Variants in TRHDE observed in about 807,000 individuals in gnomAD.
The protein encoded by TRHDE is thyrotropin releasing hormone degrading enzyme.
TRHDE carries 72 observed loss-of-function variants against 125.7 expected under a neutral mutation model. That is an observed-to-expected ratio of 0.57 (90% confidence interval 0.47 to 0.70). The LOEUF (loss-of-function observed/expected upper bound fraction) is 0.70. Among genes scored for constraint, TRHDE ranks in the 30% least tolerant of loss-of-function variants. The probability of loss-of-function intolerance (pLI) is 0.00; values close to 1 mark genes in which losing one functional copy is unlikely to be tolerated. For missense variants in TRHDE, 1,110 were observed against 1,327.1 expected (o/e 0.84, Z 2.54); for synonymous variants, 509 against 509.1 (o/e 1.00, Z 0.00).
intron 15 of TRHDE, among the ~76,000 whole-genome samples, chr12:72,621,969 T>A (rs1359564543): frequency 1.3e-5 from 2 of 152,186 alleles, no homozygotes; most frequent in African/African-American, 4.8e-5. Flanking sequence ...CTAACTTTAT[T>A]AATTTAGGTC....
At chr12:72,367,840 T>C (rs758047874) in intron 2 of TRHDE, among the ~76,000 whole-genome samples, 4 of 152,200 alleles carry the variant, frequency 2.6e-5, no homozygotes, top group Non-Finnish European at 5.9e-5. Flanking sequence ...ATTTTAAAGC[T>C]GTGAAATAAT....
chr12:72,597,762 TACACACACAAATAC>T (rs1872039523), intron 12 of TRHDE, among the ~76,000 whole-genome samples: 2 of 80,676 alleles, frequency 2.5e-5, no homozygotes, highest in Non-Finnish European at 4.8e-5. Context: ...TATATATGCA[TACACACACAAATAC>T]ATATGTATAT....
chr12:72,114,647 T>A (rs1875400021), intron 2 of TRHDE, among the ~76,000 whole-genome samples: 1 of 152,100 alleles, frequency 6.6e-6, no homozygotes, highest in Non-Finnish European at 1.5e-5. Context: ...CATGTATAAG[T>A]GGACCTTCAC....
At chr12:72,117,942 A>AT (rs972128476) in intron 2 of TRHDE, among the ~76,000 whole-genome samples, 61 of 146,460 alleles carry the variant, frequency 4.2e-4, no homozygotes, top group South Asian at 1.5e-3. Context: ...ACTTTACTGC[A>AT]TTTTTTTTTC....
chr12:72,432,751 A>G lies in TRHDE; in HGVS notation c.1316-37007A>G, dbSNP rs1360754468. 4.6e-5 allele frequency among the ~76,000 whole-genome samples: 7 copies of G among 152,232 alleles called. No homozygotes were observed. In the East Asian group the frequency reaches 1.4e-3, roughly 29 times the overall value. ...TGGGGCATTAGGATTTTCTATGTAA[A>G]ATGTCATGTCTTTTGCGAATAGGGA... On this transcript the variant is annotated intron_variant, in intron 3 of 18. Transcript: ENST00000261180.
chr12:72,545,846 TGA>T (rs759477215), intron 7 of TRHDE, among the ~76,000 whole-genome samples: 4 of 151,684 alleles, frequency 2.6e-5, no homozygotes, highest in Non-Finnish European at 5.9e-5. Context: ...TAAGAACTGT[TGA>T]AATTTCTTGG....
At chr12:72,515,587 G>A (rs1001732430) in intron 6 of TRHDE, among the ~76,000 whole-genome samples, 1 of 152,072 alleles carries the variant, frequency 6.6e-6, no homozygotes, top group Non-Finnish European at 1.5e-5. Flanking sequence ...CCATGTTGTA[G>A]GTTGTCTGTT....
At chr12:72,275,796 AACTCTCTTGC>A (rs1879467352) in intron 1 of TRHDE, among the ~76,000 whole-genome samples, 1 of 152,154 alleles carries the variant, frequency 6.6e-6, no homozygotes, top group Admixed American at 6.5e-5. Flanking sequence ...TTTGTACTCA[AACTCTCTTGC>A]AGTTTTCCCC....
At chr12:72,656,041 TG>T (rs1874697375) in intron 17 of TRHDE, among the ~76,000 whole-genome samples, 1 of 152,158 alleles carries the variant, frequency 6.6e-6, no homozygotes, top group Non-Finnish European at 1.5e-5. Flanking sequence ...TATAACAGTG[TG>T]TAGATCCTTG....
At chr12:72,559,111 G>A (rs1592535221) in intron 7 of TRHDE, among the ~76,000 whole-genome samples, 1 of 152,262 alleles carries the variant, frequency 6.6e-6, no homozygotes, top group South Asian at 2.1e-4. Context: ...CGGTTTTCAT[G>A]TGCTGTGCTC....
chr12:72,288,326 T>C (rs1432311590), intron 2 of TRHDE, among the ~76,000 whole-genome samples: 2 of 152,176 alleles, frequency 1.3e-5, no homozygotes, highest in African/African-American at 4.8e-5. Flanking sequence ...ATTTAAGTCA[T>C]TGTGGGACCT....
intron 3 of TRHDE, among the ~76,000 whole-genome samples, chr12:72,451,516 T>C (rs1875568132): frequency 1.3e-5 from 2 of 152,230 alleles, no homozygotes; most frequent in East Asian, 1.9e-4. Context: ...TTTGGTGTTT[T>C]TATTTCTATG....
intron 2 of TRHDE, among the ~76,000 whole-genome samples, chr12:72,144,541 G>A (rs1457226553): frequency 6.6e-6 from 1 of 152,210 alleles, no homozygotes; most frequent in Non-Finnish European, 1.5e-5. Flanking sequence ...CAGGGGAGGT[G>A]TCTCGTGTGT....
At chr12:72,246,424 C>T (rs1186747252) in intron 2 of TRHDE, among the ~76,000 whole-genome samples, 2 of 152,086 alleles carry the variant, frequency 1.3e-5, no homozygotes. Flanking sequence ...TTTATCTGTT[C>T]AGTATTATTT....
At chr12:72,425,630 C>T (rs1874151264) in intron 3 of TRHDE, among the ~76,000 whole-genome samples, 1 of 152,010 alleles carries the variant, frequency 6.6e-6, no homozygotes, top group Admixed American at 6.6e-5. Flanking sequence ...TTTCTCTCAT[C>T]TCAATTCTAA....
intron 6 of TRHDE, among the ~76,000 whole-genome samples, chr12:72,521,846 A>C (rs1868257612): frequency 6.6e-6 from 1 of 152,146 alleles, no homozygotes; most frequent in Admixed American, 6.5e-5. Flanking sequence ...TCAGTAGTCA[A>C]ATTTGTTAAG....
chr12:72,322,145 G>A (rs1285083686), intron 2 of TRHDE, among the ~76,000 whole-genome samples: 2 of 152,086 alleles, frequency 1.3e-5, no homozygotes, highest in African/African-American at 4.8e-5. Context: ...TCAAAGACAT[G>A]AACAGAATGG....
chr12:72,157,945 G>GGAGAAAGGT (rs1876554005), intron 2 of TRHDE, among the ~76,000 whole-genome samples: 2 of 152,258 alleles, frequency 1.3e-5, no homozygotes, highest in Admixed American at 6.5e-5. Flanking sequence ...GCAAGAGGTA[G>GGAGAAAGGT]GAGAAAGGTG....
At chr12:72,637,092 T>C (rs948764123) in intron 15 of TRHDE, among the ~76,000 whole-genome samples, 4 of 152,212 alleles carry the variant, frequency 2.6e-5, no homozygotes, top group Non-Finnish European at 4.4e-5. Context: ...CAGTTCCTCC[T>C]TGTACCTCTG....
Sources: allele counts gnomAD v4.1 joint callset (sites outside exome capture counted in the v4.1 genomes callset), GRCh38; gene constraint gnomAD v4.1.1; transcripts MANE v1.5; gene names NCBI Gene and HGNC (gene_info 2026-07-23, HGNC 2026-07-21).